MEI4: variants seen among roughly 807,000 people sequenced by gnomAD.
The protein encoded by MEI4 is meiotic double-stranded break formation protein 4, also known as meiosis-specific protein MEI4.
In MEI4, 27 loss-of-function variants were observed where a neutral mutation model predicts 31.4. The observed-to-expected ratio is 0.86, with a 90% CI of 0.63 to 1.19. The LOEUF (loss-of-function observed/expected upper bound fraction) is 1.19. Ranked by LOEUF, MEI4 falls within the 50% of genes most tolerant of loss-of-function variation. The probability of loss-of-function intolerance (pLI) is 0.00; values close to 1 mark genes in which losing one functional copy is unlikely to be tolerated. For missense variants in MEI4, 329 were observed against 398.9 expected (o/e 0.82, Z 1.49); for synonymous variants, 122 against 145.4 (o/e 0.84, Z 1.16).
At chr6:77,779,347 C>G (rs1182608331) in intron 3 of MEI4, among the ~76,000 whole-genome samples, 1 of 152,128 alleles carries the variant, frequency 6.6e-6, no homozygotes, top group Non-Finnish European at 1.5e-5. Context: ...AAGTCATAAG[C>G]TTTTCATATG....
intron 4 of MEI4, among the ~76,000 whole-genome samples, chr6:77,915,796 A>G (rs944645073): frequency 1.3e-5 from 2 of 151,944 alleles, no homozygotes; most frequent in African/African-American, 4.8e-5. Flanking sequence ...TTGGCTGTCT[A>G]AATATCTTTT....
At chr6:77,790,518 C>G (rs190040951) in intron 3 of MEI4, among the ~76,000 whole-genome samples, 2 of 151,880 alleles carry the variant, frequency 1.3e-5, no homozygotes, top group Non-Finnish European at 1.5e-5. Flanking sequence ...ATGCAATATA[C>G]TTATGTAGCA....
intron 4 of MEI4, among the ~76,000 whole-genome samples, chr6:77,870,027 G>T (rs1185493316): frequency 6.6e-6 from 1 of 152,070 alleles, no homozygotes; most frequent in Non-Finnish European, 1.5e-5. Context: ...TTATAGGGAG[G>T]CTTCTCGGGG....
chr6:77,667,046 G>A (rs938431765), intron 1 of MEI4, among the ~76,000 whole-genome samples: 17 of 152,116 alleles, frequency 1.1e-4, no homozygotes, highest in Admixed American at 2.0e-4. Context: ...GAAATAATAT[G>A]TAAAGAAAGA....
At chr6:77,863,439 C>G (rs1309575655) in intron 4 of MEI4, among the ~76,000 whole-genome samples, 2 of 152,104 alleles carry the variant, frequency 1.3e-5, no homozygotes, top group Non-Finnish European at 1.5e-5. Context: ...GACAAATGCA[C>G]AAGCCTCAGT....
At chr6:77,733,992 A>T (rs535041573) in intron 2 of MEI4, among the ~76,000 whole-genome samples, 1 of 152,042 alleles carries the variant, frequency 6.6e-6, no homozygotes, top group East Asian at 1.9e-4. Context: ...GGTCTGAGAG[A>T]TAGTTTGTTA....
At chr6:77,659,856 G>A (rs1486376173) in intron 1 of MEI4, among the ~76,000 whole-genome samples, 2 of 152,150 alleles carry the variant, frequency 1.3e-5, no homozygotes, top group East Asian at 3.9e-4. Flanking sequence ...GAATTCCAGT[G>A]GGTCTCTGCC....
chr6:77,775,316 T>G (rs1002792670), intron 3 of MEI4, among the ~76,000 whole-genome samples: 2 of 152,136 alleles, frequency 1.3e-5, no homozygotes, highest in Non-Finnish European at 2.9e-5. Context: ...CAGTGTGTGG[T>G]CTTTTTTCTC....
At chr6:77,914,538 T>C (rs1766500001) in intron 4 of MEI4, among the ~76,000 whole-genome samples, 1 of 152,142 alleles carries the variant, frequency 6.6e-6, no homozygotes, top group Admixed American at 6.6e-5. Context: ...CATGTGCTGA[T>C]AAGAATAACT....
At chr6:77,735,397 C>T (rs1188595618) in intron 2 of MEI4, among the ~76,000 whole-genome samples, 1 of 151,996 alleles carries the variant, frequency 6.6e-6, no homozygotes, top group Admixed American at 6.6e-5. Context: ...TCTTCCATCA[C>T]TGATACCCTT....
intron 4 of MEI4, among the ~76,000 whole-genome samples, chr6:77,870,821 G>GC (rs1771172463): frequency 1.3e-5 from 2 of 152,090 alleles, no homozygotes; most frequent in Non-Finnish European, 1.5e-5. Context: ...ATGACTACCT[G>GC]CCCATCATAT....
chr6:77,655,852 A>G (rs770938008), intron 1 of MEI4, among the ~76,000 whole-genome samples: 15 of 152,256 alleles, frequency 9.9e-5, no homozygotes, highest in Admixed American at 2.6e-4. Flanking sequence ...GTCCATTATT[A>G]TACTCCTTAG....
At chr6:77,711,551 T>C (rs1766467327) in intron 2 of MEI4, among the ~76,000 whole-genome samples, 1 of 152,166 alleles carries the variant, frequency 6.6e-6, no homozygotes, top group South Asian at 2.1e-4. Flanking sequence ...AGAGCATGAA[T>C]GACAATGGTG....
At chr6:77,681,499 C>T (rs370379929) in intron 1 of MEI4, among the ~76,000 whole-genome samples, 24 of 152,224 alleles carry the variant, frequency 1.6e-4, no homozygotes, top group African/African-American at 4.8e-4. Context: ...TATGGATTTA[C>T]ATAGTGGAAT....
intron 3 of MEI4, 132 bp downstream of exon 3, chr6:77,761,797 T>C: frequency 2.0e-6 from 1 of 499,040 alleles, no homozygotes; most frequent in Non-Finnish European, 3.1e-6. Context: ...TCTGCAGCTG[T>C]CTGCAGCTCT....
In MEI4 at chr6:77,737,237, T is replaced by C. The variant is rs144255563; in HGVS notation, c.233-23893T>C. 1.4e-3 allele frequency among the ~76,000 whole-genome samples: 212 copies of C among 152,362 alleles called. 1 individual carries two copies. Among genetic ancestry groups the C allele is most frequent in the African/African-American group, 4.5e-3 (186 of 41,586 alleles). On this transcript the variant is annotated intron_variant, in intron 2 of 4. Transcript: ENST00000684080. ...TAAGTTATTTATTTAGGTTATCTGATGGATAAGGCTATTTAGACAGAGTAA... is the reference window on the plus strand; with the variant it reads ...TAAGTTATTTATTTAGGTTATCTGACGGATAAGGCTATTTAGACAGAGTAA...
intron 4 of MEI4, among the ~76,000 whole-genome samples, chr6:77,895,083 CA>C (rs1208319066): frequency 6.6e-6 from 1 of 152,182 alleles, no homozygotes; most frequent in Non-Finnish European, 1.5e-5. Context: ...TAGCCTAACA[CA>C]GTGAAATATT....
At chr6:77,783,675 C>G (rs1554164105) in intron 3 of MEI4, among the ~76,000 whole-genome samples, 1 of 152,000 alleles carries the variant, frequency 6.6e-6, no homozygotes, top group Non-Finnish European at 1.5e-5. Context: ...ATGAATATCT[C>G]TGTTTTTTTA....
At chr6:77,862,552 C>A (rs766367846) in intron 4 of MEI4, among the ~76,000 whole-genome samples, 1 of 152,210 alleles carries the variant, frequency 6.6e-6, no homozygotes, top group East Asian at 1.9e-4. Context: ...TGCACCGAGG[C>A]TTGAGTAGGT....
Sources: allele counts gnomAD v4.1 joint callset (sites outside exome capture counted in the v4.1 genomes callset), GRCh38; gene constraint gnomAD v4.1.1; transcripts MANE v1.5; gene names NCBI Gene and HGNC (gene_info 2026-07-23, HGNC 2026-07-21).